The following TEX2 variants were observed in gnomAD, a reference collection of about 807,000 sequenced individuals.
TEX2 encodes testis-expressed protein 2.
Under a neutral mutation model 106.9 loss-of-function variants are expected in TEX2, and 53 were observed. The ratio of observed to expected loss-of-function variants is 0.50; its 90% confidence interval spans 0.40 to 0.62. The LOEUF is 0.62. TEX2 is among the 20% of genes least tolerant of loss of function. TEX2 has a pLI of 0.00. For missense variants in TEX2, 1,207 were observed against 1,379.0 expected (o/e 0.88, Z 1.98); for synonymous variants, 523 against 534.8 (o/e 0.98, Z 0.30).
At chr17:64,223,339 T>A (rs2033411535) in intron 1 of TEX2, among the ~76,000 whole-genome samples, 1 of 148,164 alleles carries the variant, frequency 6.7e-6, no homozygotes, top group South Asian at 2.1e-4. Flanking sequence ...AAGATAATAT[T>A]AACCTCACTG....
At chr17:64,166,933 G>C (rs2031166794) in intron 7 of TEX2, among the ~76,000 whole-genome samples, 1 of 152,204 alleles carries the variant, frequency 6.6e-6, no homozygotes, top group Non-Finnish European at 1.5e-5. Context: ...TCTGGACCTT[G>C]CTGTGTGGCC....
At chr17:64,193,026 G>A (rs1290865698) in intron 4 of TEX2, among the ~76,000 whole-genome samples, 2 of 152,218 alleles carry the variant, frequency 1.3e-5, no homozygotes, top group Non-Finnish European at 2.9e-5. Flanking sequence ...GGACAGGGGA[G>A]CTACTGCTTT....
In TEX2 at chr17:64,171,967, G is replaced by A. The variant is rs1386014991; in HGVS notation, c.2572-768C>T. 2.2e-5 allele frequency among the ~76,000 whole-genome samples: 3 copies of A among 138,124 alleles called. No individual in the cohort carries two copies. In the South Asian group the frequency reaches 7.1e-4, roughly 33 times the overall value. The allele number at this position is 138,124 out of a possible 152,430, so 90.6% of individuals were successfully genotyped here. A position where few individuals can be genotyped will look rare whatever the true frequency, so the allele number is the denominator to read the frequency against. ...TGCACCCCAGCCTGGAGGACAGAGC[G>A]AGACTCTGCGTCAAAAAAAAAAAAA... On this transcript the variant is annotated intron_variant, in intron 6 of 11. Transcript: ENST00000584379.
chr17:64,252,233 A>G (rs2034106628), intron 1 of TEX2, among the ~76,000 whole-genome samples: 1 of 152,182 alleles, frequency 6.6e-6, no homozygotes, highest in African/African-American at 2.4e-5. Flanking sequence ...CCCTCTGTAC[A>G]GTTTTCATGA....
At chr17:64,207,745 T>C (rs1179322333) in intron 2 of TEX2, among the ~76,000 whole-genome samples, 1 of 151,870 alleles carries the variant, frequency 6.6e-6, no homozygotes, top group Non-Finnish European at 1.5e-5. Context: ...TTTTTTCTTT[T>C]TTTTTTTTGA....
chr17:64,194,825 A>C, intron 3 of TEX2, 70 bp downstream of exon 3: 1 of 1,449,408 alleles, frequency 6.9e-7, no homozygotes, highest in Non-Finnish European at 9.7e-7. Flanking sequence ...AAAAAAATGC[A>C]GTTAAGCATC....
Position 64,223,357 on chromosome 17 carries a change from CTT to C in TEX2, c.-25-9117_-25-9116del, listed in dbSNP as rs71158308. On this transcript the variant is annotated intron_variant, in intron 1 of 11. Transcript: ENST00000584379. The stretch of plus-strand genomic sequence containing the variant: ...ATAATATTAACCTCACTGAATCTGG[CTT>C]TTTTTTTTTTTTTTTCACTTTTTTT... Among the ~76,000 whole-genome samples, 150 of 113,114 alleles carry C rather than the reference CTT, an allele frequency of 1.3e-3. 1 individual carries two copies. The highest frequency in any genetic ancestry group is 3.3e-3 in the Admixed American group (31 of 9,282). 74.2% of individuals were successfully genotyped at this position (113,114 alleles called of 152,430 possible). A position where few individuals can be genotyped will look rare whatever the true frequency, so the allele number is the denominator to read the frequency against.
chr17:64,261,540 T>C (rs2034287054), intron 1 of TEX2, among the ~76,000 whole-genome samples: 1 of 152,150 alleles, frequency 6.6e-6, no homozygotes, highest in South Asian at 2.1e-4. Flanking sequence ...TCCTCGTCTG[T>C]CCCAGCCCCT....
Position 64,147,536 on chromosome 17 carries a change from T to C in TEX2, c.*1433A>G, listed in dbSNP as rs2030102102. On this transcript the variant is annotated 3_prime_UTR_variant, in exon 12 of 12. Transcript: ENST00000584379. ...TGCAACATGGTACAGTCATGTGTAATCTCTTTACACGATAGTGCATCTAGT... is the reference window on the plus strand; with the variant it reads ...TGCAACATGGTACAGTCATGTGTAACCTCTTTACACGATAGTGCATCTAGT... The C allele has an allele frequency of 6.6e-6, 1 of 152,420 alleles. No homozygotes were observed. Among genetic ancestry groups the C allele is most frequent in the South Asian group, 2.1e-4 (1 of 4,832 alleles). The allele number at this position is 152,420 out of a possible 1,614,324, so 9.4% of individuals were successfully genotyped here.
At chr17:64,208,590 A>G (rs1339594423) in intron 2 of TEX2, among the ~76,000 whole-genome samples, 1 of 151,852 alleles carries the variant, frequency 6.6e-6, no homozygotes, top group African/African-American at 2.4e-5. Context: ...GATCACTCCT[A>G]TTAAACCCTA....
chr17:64,209,215 T>C (rs1225256531), intron 2 of TEX2, among the ~76,000 whole-genome samples: 1 of 152,198 alleles, frequency 6.6e-6, no homozygotes, highest in Non-Finnish European at 1.5e-5. Context: ...AGTACCATAG[T>C]TTAAAAACGG....
chr17:64,242,442 A>G lies in TEX2; in HGVS notation c.-26+20726T>C, dbSNP rs2033905242. Reference sequence around the variant, plus strand: ...TCCAGTTGCTGTAACAAAGAAAAGGATCCTTCCAGAAAAGGGAGGAATTAC... The same window carrying G: ...TCCAGTTGCTGTAACAAAGAAAAGGGTCCTTCCAGAAAAGGGAGGAATTAC... On this transcript the variant is annotated intron_variant, in intron 1 of 11. Transcript: ENST00000584379. 2.0e-5 allele frequency: 3 copies of G among 152,310 alleles called. No homozygotes were observed. The South Asian group carries it at 6.2e-4, about 32-fold the overall frequency. 9.4% of individuals were successfully genotyped at this position (152,310 alleles called of 1,614,324 possible).
At chr17:64,155,267 T>C in intron 8 of TEX2, 1 of 280,718 alleles carries the variant, frequency 3.6e-6, no homozygotes, top group East Asian at 6.1e-5. Context: ...GGTGGGAGTG[T>C]GATGCGCACA....
chr17:64,210,815 C>A (rs978337620), intron 2 of TEX2, among the ~76,000 whole-genome samples: 1 of 151,814 alleles, frequency 6.6e-6, no homozygotes, highest in East Asian at 1.9e-4. Context: ...TCCAGGGAAA[C>A]GAAGTTCTCC....
At chr17:64,158,815 C>G (rs754616325) in intron 8 of TEX2, among the ~76,000 whole-genome samples, 1 of 152,118 alleles carries the variant, frequency 6.6e-6, no homozygotes, top group African/African-American at 2.4e-5. Flanking sequence ...TTTTTCTGGG[C>G]CTTTTTCTCC....
chr17:64,215,019 A>G (rs2033141970), intron 1 of TEX2, among the ~76,000 whole-genome samples: 1 of 152,000 alleles, frequency 6.6e-6, no homozygotes, highest in South Asian at 2.1e-4. Context: ...CCAACCAAGA[A>G]CTCTACCAAG....
At chr17:64,196,949 ACAT>A (rs1555629389) in intron 2 of TEX2, among the ~76,000 whole-genome samples, 1 of 148,408 alleles carries the variant, frequency 6.7e-6, no homozygotes, top group African/African-American at 2.5e-5. Flanking sequence ...GGGAGTTGCT[ACAT>A]CACGGAAATC....
At chr17:64,165,237 T>C (rs1322839545) in intron 7 of TEX2, among the ~76,000 whole-genome samples, 2 of 152,192 alleles carry the variant, frequency 1.3e-5, no homozygotes, top group Non-Finnish European at 2.9e-5. Flanking sequence ...TGGTGCCATA[T>C]TGCTCATTCA....
intron 1 of TEX2, among the ~76,000 whole-genome samples, chr17:64,240,440 G>C (rs1450694508): frequency 6.6e-6 from 1 of 152,150 alleles, no homozygotes; most frequent in Non-Finnish European, 1.5e-5. Flanking sequence ...GAGTTACGAA[G>C]AGGAGGGAGC....
Sources: gnomAD v4.1 joint callset for allele counts (sites outside exome capture counted in the v4.1 genomes callset) on GRCh38, gnomAD v4.1.1 for gene constraint, MANE v1.5 for transcripts, NCBI Gene and HGNC (gene_info 2026-07-23, HGNC 2026-07-21) for gene names.